The following DCAF8L2 variants were observed in gnomAD, a reference collection of about 807,000 sequenced individuals.
DCAF8L2 encodes the protein DDB1- and CUL4-associated factor 8-like protein 2.
For synonymous variants in DCAF8L2, 200 were observed against 190.9 expected, an observed-to-expected ratio of 1.05 and a Z score of -0.39; for missense variants, 430 against 490.7, an observed-to-expected ratio of 0.88 and a Z score of 1.17.
At chrX:27,660,055 T>G (rs1929500730) in intron 2 of DCAF8L2, among the ~76,000 whole-genome samples, 5 of 111,857 alleles carry the variant, frequency 4.5e-5, no homozygotes, top group Admixed American at 1.9e-4. Flanking sequence ...AGAGTTTCGC[T>G]CTTGTTGCTC....
At chrX:27,602,854 G>A (rs1241873205) in intron 1 of DCAF8L2, among the ~76,000 whole-genome samples, 1 of 111,757 alleles carries the variant, frequency 8.9e-6, no homozygotes, top group Non-Finnish European at 1.9e-5. Flanking sequence ...ATAAGGAAAT[G>A]TAAAAGTAAA....
the DCAF8L2 span, among the ~76,000 whole-genome samples, chrX:27,499,365 T>C: frequency 2.4e-4 from 27 of 112,466 alleles, no homozygotes; most frequent in East Asian, 7.3e-3. Context: ...GCCATTTGTA[T>C]GTCTTCTTTG....
chrX:27,594,701 T>C (rs1413481749), intron 1 of DCAF8L2, among the ~76,000 whole-genome samples: 1 of 111,721 alleles, frequency 9.0e-6, no homozygotes, highest in Non-Finnish European at 1.9e-5. Flanking sequence ...TTACTTTGTC[T>C]TGCTTATAAA....
chrX:27,582,805 C>G, the DCAF8L2 span, among the ~76,000 whole-genome samples: 1 of 110,947 alleles, frequency 9.0e-6, no homozygotes, highest in Non-Finnish European at 1.9e-5. Context: ...CCCAATTGTG[C>G]TCAATAATCC....
intron 1 of DCAF8L2, among the ~76,000 whole-genome samples, chrX:27,612,200 T>A (rs1927219849): frequency 8.9e-6 from 1 of 112,166 alleles, no homozygotes; most frequent in Non-Finnish European, 1.9e-5. Context: ...CCAGGGATGA[T>A]GAGCATGTTT....
chrX:27,681,900 A>C (rs1930341415), intron 3 of DCAF8L2, among the ~76,000 whole-genome samples: 1 of 112,221 alleles, frequency 8.9e-6, no homozygotes, highest in Admixed American at 9.5e-5. Flanking sequence ...GCAGAAATTC[A>C]GAGAATTATT....
intron 4 of DCAF8L2, among the ~76,000 whole-genome samples, chrX:27,736,138 T>C (rs1014843894): frequency 2.7e-5 from 3 of 110,497 alleles, no homozygotes; most frequent in Non-Finnish European, 5.7e-5. Context: ...CCCCATTCTG[T>C]CCCTTCAATA....
intron 2 of DCAF8L2, among the ~76,000 whole-genome samples, chrX:27,655,798 A>G (rs1417216438): frequency 3.6e-5 from 4 of 111,558 alleles, no homozygotes; most frequent in African/African-American, 1.3e-4. Context: ...TACCCACCCT[A>G]GAAGGAGAAA....
At chrX:27,543,365 A>G in the DCAF8L2 span, among the ~76,000 whole-genome samples, 1 of 112,203 alleles carries the variant, frequency 8.9e-6, no homozygotes, top group Non-Finnish European at 1.9e-5. Context: ...TATGAATACT[A>G]TGCTGTTTTG....
intron 1 of DCAF8L2, among the ~76,000 whole-genome samples, chrX:27,594,108 A>T (rs1926240869): frequency 1.8e-5 from 2 of 112,198 alleles, no homozygotes; most frequent in Non-Finnish European, 3.8e-5. Flanking sequence ...ACTTATTGTA[A>T]TGAAACCTCA....
chrX:27,614,135 T>A (rs1219240933), intron 1 of DCAF8L2, among the ~76,000 whole-genome samples: 1 of 111,284 alleles, frequency 9.0e-6, no homozygotes, highest in African/African-American at 3.3e-5. Flanking sequence ...TCAGAGCCTG[T>A]TATTGGTCTA....
intron 1 of DCAF8L2, among the ~76,000 whole-genome samples, chrX:27,608,902 C>T (rs891382905): frequency 9.0e-5 from 10 of 110,506 alleles, no homozygotes; most frequent in African/African-American, 3.3e-4. Flanking sequence ...AATGACATTG[C>T]GTACTATTAC....
At chrX:27,492,120 C>T in the DCAF8L2 span, among the ~76,000 whole-genome samples, 2 of 112,362 alleles carry the variant, frequency 1.8e-5, no homozygotes, top group Admixed American at 1.9e-4. Context: ...CTCTCAATTG[C>T]TTTGTCTTTC....
chrX:27,718,719 T>G (rs190198901), intron 4 of DCAF8L2, among the ~76,000 whole-genome samples: 159 of 111,609 alleles, frequency 1.4e-3, no homozygotes, highest in African/African-American at 4.9e-3. Context: ...CATTACTCTT[T>G]TCTGGCTTTC....
chrX:27,742,050 C>T (rs2147337764), intron 4 of DCAF8L2, among the ~76,000 whole-genome samples: 2 of 111,718 alleles, frequency 1.8e-5, no homozygotes, highest in East Asian at 2.8e-4. Flanking sequence ...ATATTGTTTT[C>T]CCCCAAATAG....
At chrX:27,595,104 T>G (rs1347567993) in intron 1 of DCAF8L2, among the ~76,000 whole-genome samples, 2 of 110,933 alleles carry the variant, frequency 1.8e-5, no homozygotes, top group Non-Finnish European at 3.8e-5. Context: ...ATTCCAACAA[T>G]CAGAAAGCTC....
At chrX:27,523,409 A>AGT in the DCAF8L2 span, among the ~76,000 whole-genome samples, 938 of 96,521 alleles carry the variant, frequency 9.7e-3, 5 homozygotes, top group Admixed American at 0.016. Flanking sequence ...CTGTCTACTG[A>AGT]GTGTGTGTGT....
intron 2 of DCAF8L2, among the ~76,000 whole-genome samples, chrX:27,646,913 A>AT (rs1424902462): frequency 9.0e-6 from 1 of 111,310 alleles, no homozygotes; most frequent in African/African-American, 3.3e-5. Flanking sequence ...GAAACAACAA[A>AT]TGCTGGCGAG....
chrX:27,567,403 C>T, the DCAF8L2 span, among the ~76,000 whole-genome samples: 14 of 105,817 alleles, frequency 1.3e-4, no homozygotes, highest in African/African-American at 4.8e-4. Context: ...ATTTTGGGTG[C>T]TCTGATGTTG....
Sources: gnomAD v4.1 joint callset for allele counts (sites outside exome capture counted in the v4.1 genomes callset) on GRCh38, gnomAD v4.1.1 for gene constraint, MANE v1.5 for transcripts, NCBI Gene and HGNC (gene_info 2026-07-23, HGNC 2026-07-21) for gene names.